The following PPP3CA variants were observed in gnomAD, a reference collection of about 807,000 sequenced individuals.
PPP3CA encodes the protein protein phosphatase 3 catalytic subunit alpha.
Under a neutral mutation model 66.5 loss-of-function variants are expected in PPP3CA, and 14 were observed. The observed-to-expected ratio is 0.21, with a 90% confidence interval of 0.14 to 0.33. The LOEUF (loss-of-function observed/expected upper bound fraction) is 0.33, where lower values mean the gene tolerates loss of function less well. Ranked by LOEUF, PPP3CA falls within the 10% of genes least tolerant of loss-of-function variation. PPP3CA has a pLI of 1.00. For missense variants in PPP3CA, 317 were observed against 639.5 expected (o/e 0.50, Z 5.44); for synonymous variants, 232 against 226.2 (o/e 1.03, Z -0.23).
At chr4:101,105,248 C>A (rs964912801) in intron 3 of PPP3CA, among the ~76,000 whole-genome samples, 35 of 150,700 alleles carry the variant, frequency 2.3e-4, no homozygotes, top group African/African-American at 7.6e-4. Flanking sequence ...CTCACTGCAA[C>A]CTCCGCCTCC....
chr4:101,299,705 A>G (rs1180668633), intron 1 of PPP3CA, among the ~76,000 whole-genome samples: 2 of 152,192 alleles, frequency 1.3e-5, no homozygotes, highest in African/African-American at 4.8e-5. Flanking sequence ...GTCTTTTTAA[A>G]TACCCCCATT....
chr4:101,164,316 T>C (rs571896737), intron 2 of PPP3CA, among the ~76,000 whole-genome samples: 1 of 152,310 alleles, frequency 6.6e-6, no homozygotes, highest in African/African-American at 2.4e-5. Flanking sequence ...TTATACTTTA[T>C]TGGATTTATT....
At chr4:101,047,298 C>T (rs1204436322) in intron 10 of PPP3CA, among the ~76,000 whole-genome samples, 1 of 152,122 alleles carries the variant, frequency 6.6e-6, no homozygotes, top group African/African-American at 2.4e-5. Context: ...GATGGAATGG[C>T]TTCAAAATTG....
intron 10 of PPP3CA, among the ~76,000 whole-genome samples, chr4:101,059,956 T>G (rs1162398014): frequency 6.6e-6 from 1 of 152,120 alleles, no homozygotes; most frequent in Admixed American, 6.6e-5. Context: ...TTAAACTGTA[T>G]TATTTACGGA....
intron 1 of PPP3CA, among the ~76,000 whole-genome samples, chr4:101,278,136 A>AAAAAAAAAAAAT (rs1553937788): frequency 6.9e-6 from 1 of 145,840 alleles, no homozygotes; most frequent in Non-Finnish European, 1.5e-5. Context: ...AAAAAAAAAA[A>AAAAAAAAAAAAT]AAATAAAAAA....
At chr4:101,118,214 T>C (rs1721907644) in intron 2 of PPP3CA, among the ~76,000 whole-genome samples, 1 of 152,038 alleles carries the variant, frequency 6.6e-6, no homozygotes. Context: ...TCTTTCACCC[T>C]TTGGAGAGGC....
Position 101,026,043 on chromosome 4 carries a change from G to T in PPP3CA, c.1388C>A (p.Pro463Gln). The change falls in exon 14 of 14, where the codon CCA becomes CAA. Residue 463 changes from proline to glutamine, a missense_variant. Physicochemically the swap from Pro to Gln is moderately conservative, Grantham distance 76. Transcript: ENST00000394854. ...CTCGAAGCTAGTGATCTTATGTTGT[G>T]GTGAAAATCCTTTGATAGCTAAACA... ...EADEAIKGFS[P>Q]QHKITSFEEA... The T allele has an allele frequency of 6.3e-7, 1 of 1,593,218 alleles. No homozygotes were observed. Among genetic ancestry groups the T allele is most frequent in the Non-Finnish European group, 8.5e-7 (1 of 1,172,304 alleles).
At chr4:101,321,547 T>C (rs1356992635) in intron 1 of PPP3CA, among the ~76,000 whole-genome samples, 2 of 152,206 alleles carry the variant, frequency 1.3e-5, no homozygotes. Flanking sequence ...ATAAAATTTT[T>C]GTTTTTATTT....
intron 1 of PPP3CA, among the ~76,000 whole-genome samples, chr4:101,280,228 G>C (rs76509993): frequency 0.011 from 1,729 of 152,302 alleles, 14 homozygotes; most frequent in Non-Finnish European, 0.017. Flanking sequence ...AAAGTAGCCA[G>C]ATTGAGAATA....
At chr4:101,301,837 T>A (rs914624245) in intron 1 of PPP3CA, among the ~76,000 whole-genome samples, 2 of 149,570 alleles carry the variant, frequency 1.3e-5, no homozygotes, top group Non-Finnish European at 1.5e-5. Flanking sequence ...TATATATATA[T>A]AATTTTAAAA....
At chr4:101,191,883 C>T (rs574052147) in intron 2 of PPP3CA, among the ~76,000 whole-genome samples, 38 of 152,290 alleles carry the variant, frequency 2.5e-4, no homozygotes, top group Non-Finnish European at 4.1e-4. Flanking sequence ...TGAGGGAATC[C>T]TCTGCTGACC....
intron 2 of PPP3CA, among the ~76,000 whole-genome samples, chr4:101,176,382 C>T (rs1161327005): frequency 1.3e-5 from 2 of 152,098 alleles, no homozygotes; most frequent in African/African-American, 2.4e-5. Flanking sequence ...CATTGTTATT[C>T]GGAAGGAAAT....
Position 101,061,092 on chromosome 4 carries a change from A to C in PPP3CA, c.1151T>G (p.Phe384Cys), listed in dbSNP as rs768724533. The C allele has an allele frequency of 6.2e-7, 1 of 1,611,036 alleles. No homozygotes were observed. The highest frequency in any genetic ancestry group is 8.5e-7 in the Non-Finnish European group (1 of 1,177,646). ...CAAAGGCTCAAGCCTCTTACCATCAAATCCATCTTCTTCTGACCCTAGTTC... is the reference window on the plus strand; with the variant it reads ...CAAAGGCTCAAGCCTCTTACCATCACATCCATCTTCTTCTGACCCTAGTTC... ...DDELGSEEDG[F>C]DGATAAARKE... The change falls in exon 10 of 14, where the codon TTT (phenylalanine) becomes TGT (cysteine). Residue 384 changes from phenylalanine (F) to cysteine (C), a missense_variant. Around this residue, in one of 3 missense-constraint regions of PPP3CA, gnomAD observed 201 missense variants for 501.4 expected, o/e 0.40. Transcript: ENST00000394854.
At chr4:101,209,101 A>G (rs894372034) in intron 1 of PPP3CA, among the ~76,000 whole-genome samples, 84 of 152,346 alleles carry the variant, frequency 5.5e-4, no homozygotes, top group African/African-American at 2.0e-3. Flanking sequence ...ATTTTTGAGA[A>G]TATTTATATT....
intron 6 of PPP3CA, among the ~76,000 whole-genome samples, chr4:101,087,451 A>G (rs1172666161): frequency 6.6e-6 from 1 of 152,176 alleles, no homozygotes; most frequent in East Asian, 1.9e-4. Context: ...CAAACCCCAG[A>G]AACTCCTCAT....
intron 1 of PPP3CA, among the ~76,000 whole-genome samples, chr4:101,251,933 G>A (rs904186637): frequency 6.6e-6 from 1 of 152,092 alleles, no homozygotes; most frequent in Non-Finnish European, 1.5e-5. Context: ...CCAATACCTT[G>A]CCTCCTCCTT....
intron 1 of PPP3CA, among the ~76,000 whole-genome samples, chr4:101,197,262 T>C (rs1467128320): frequency 6.6e-6 from 1 of 152,242 alleles, no homozygotes. Context: ...ACAGGAGACC[T>C]ATGCCAAAAA....
At position 101,336,932 on chromosome 4, in the gene PPP3CA, A is replaced by G. The variant is rs530132958; in HGVS notation, c.58+9807T>C. On this transcript the variant is annotated intron_variant, in intron 1 of 13. Coordinates refer to ENST00000394854, the MANE Select transcript of PPP3CA (RefSeq NM_000944.5). ...GAGTCTCATTTGTAGGCCTAAATTC[A>G]GGCATGAGCAAGTGTAAGAGATCAA... is the stretch of plus-strand genomic sequence containing the variant. Among the ~76,000 whole-genome samples, 66 of 152,306 alleles carry G rather than the reference A, an allele frequency of 4.3e-4. 1 individual carries two copies. The highest frequency in any genetic ancestry group is 1.5e-3 in the African/African-American group (61 of 41,568).
rs535909863 is a variant in PPP3CA at position 101,084,928 on chromosome 4, C to G, written c.783-1665G>C. On this transcript the variant is annotated intron_variant, in intron 6 of 13. Transcript: ENST00000394854. ...AGTCTCTGCATGGAAACATGCCCAT[C>G]TGGTACCCAGAATCAGGTGTTGACC... 4.3e-4 allele frequency among the ~76,000 whole-genome samples: 66 copies of G among 152,302 alleles called. No homozygotes were observed. In the Middle Eastern group the frequency reaches 0.024, roughly 55 times the overall value.
Sources: gnomAD v4.1 joint callset for allele counts (sites outside exome capture counted in the v4.1 genomes callset) on GRCh38, gnomAD v4.1.1 for gene constraint, gnomAD v4.1.1 regional missense constraint, MANE v1.5 for transcripts, NCBI Gene and HGNC (gene_info 2026-07-23, HGNC 2026-07-21) for gene names.